ZNF75A: variants seen among roughly 807,000 people sequenced by gnomAD.
ZNF75A encodes the protein zinc finger protein 75A.
In ZNF75A, 36 loss-of-function variants were observed where a neutral mutation model predicts 46.3. The ratio of observed to expected loss-of-function variants is 0.78; its 90% confidence interval spans 0.60 to 1.03. The LOEUF is 1.03. Ranked by LOEUF, ZNF75A falls within the 50% of genes least tolerant of loss-of-function variation. The probability of loss-of-function intolerance (pLI) is 0.00; values close to 1 mark genes in which losing one functional copy is unlikely to be tolerated. For missense variants in ZNF75A, 595 were observed against 551.3 expected, an observed-to-expected ratio of 1.08 and a Z score of -0.79; for synonymous variants, 234 against 189.9, an observed-to-expected ratio of 1.23 and a Z score of -1.91.
Position 3,305,614 on chromosome 16 carries a change from G to T in ZNF75A, c.-146G>T, listed in dbSNP as rs1029975318. ...GCGTTTGAGCCTCAGAAAGCGAGGA[G>T]CGGCCTCCACGGAAGCCAAGCTGGC... On this transcript the variant is annotated 5_prime_UTR_variant, in exon 1 of 7. Transcript: ENST00000669516. The T allele has an allele frequency of 7.2e-5, 11 of 152,280 alleles. No individual in the cohort carries two copies. Among genetic ancestry groups the T allele is most frequent in the Non-Finnish European group, 1.6e-4 (11 of 68,070 alleles). 9.4% of individuals were successfully genotyped at this position (152,280 alleles called of 1,614,324 possible).
intron 1 of ZNF75A, chr16:3,306,895 T>C (rs1437116903): frequency 6.6e-6 from 1 of 151,650 alleles, no homozygotes; most frequent in Non-Finnish European, 1.5e-5. Flanking sequence ...TCAACTGCCA[T>C]CCAAAAAATA....
Position 3,308,494 on chromosome 16 carries a change from C to T in ZNF75A, c.66C>T (p.Thr22=), listed in dbSNP as rs181206061. The T allele has an allele frequency of 1.7e-4, 172 of 985,806 alleles. 1 individual carries two copies. In the African/African-American group the frequency reaches 2.8e-3, roughly 16 times the overall value. 61.1% of individuals were successfully genotyped at this position (985,806 alleles called of 1,614,324 possible). Reference sequence around the variant, plus strand: ...CTCAGATCAGGGCTTTGTGGGAGACCAAGGGGCCTGCAAGAGAGAGCTCCG... The same window carrying T: ...CTCAGATCAGGGCTTTGTGGGAGACTAAGGGGCCTGCAAGAGAGAGCTCCG... The part of the protein sequence containing the change: ...LDPQIRALWE[T]KGPARESSGQ... Residue 22 remains threonine (T), a synonymous_variant, in exon 2 of 7, where the codon ACC becomes ACT. Coordinates refer to ENST00000669516, the MANE Select transcript of ZNF75A (RefSeq NM_001302109.2).
rs1960831858 is a variant in ZNF75A, at chr16:3,311,903, C to T, written c.559C>T (p.Leu187Phe). The T allele has an allele frequency of 1.0e-6, 1 of 992,124 alleles. No individual in the cohort carries two copies. Among genetic ancestry groups the T allele is most frequent in the Non-Finnish European group, 1.2e-6 (1 of 832,838 alleles). 61.5% of individuals were successfully genotyped at this position (992,124 alleles called of 1,614,324 possible). A position where few individuals can be genotyped will look rare whatever the true frequency, so the allele number is the denominator to read the frequency against. The change falls in exon 3 of 7, where the codon CTC becomes TTC. Residue 187 changes from leucine to phenylalanine, a missense_variant. Coordinates refer to ENST00000669516, the MANE Select transcript of ZNF75A (RefSeq NM_001302109.2). Reference protein sequence around the residue: ...WNTYEGLQEQLSRNTHKETEP... With the variant: ...WNTYEGLQEQFSRNTHKETEP... Reference sequence around the variant, plus strand: ...TACATACGAGGGTCTGCAAGAACAGCTCAGCAGGAATACTCATAAAGAGAC... The same window carrying T: ...TACATACGAGGGTCTGCAAGAACAGTTCAGCAGGAATACTCATAAAGAGAC...
At chr16:3,312,642 A>G in intron 3 of ZNF75A, 35 bp from the exon 4 acceptor site, 1 of 935,590 alleles carries the variant, frequency 1.1e-6, no homozygotes, top group Non-Finnish European at 1.3e-6. Flanking sequence ...GTTTATAGAT[A>G]AAAGAGATTT....
chr16:3,310,619 C>T, intron 2 of ZNF75A: 3 of 943,236 alleles, frequency 3.2e-6, no homozygotes, highest in South Asian at 4.9e-5. Flanking sequence ...GAGTGAGACC[C>T]CCGTCTCAAA....
At position 3,317,539 on chromosome 16, in the gene ZNF75A, A is replaced by G; in HGVS notation, c.1284A>G (p.Lys428=). ...ACCAAAGAATTCACACTGAAGAGAAACCCTATAAATGTCAACAGTGTGATA... is the reference window on the plus strand; with the variant it reads ...ACCAAAGAATTCACACTGAAGAGAAGCCCTATAAATGTCAACAGTGTGATA... ...IKHQRIHTEE[K]PYKCQQCDKR... The change falls in exon 7 of 7, where the codon AAA becomes AAG. Residue 428 remains lysine, a synonymous_variant. Transcript: ENST00000669516. 6.2e-7 allele frequency: 1 copy of G among 1,614,074 alleles called. No individual in the cohort carries two copies. Among genetic ancestry groups the G allele is most frequent in the Non-Finnish European group, 8.5e-7 (1 of 1,180,000 alleles).
chr16:3,306,573 A>G (rs147922947), intron 1 of ZNF75A: 5,109 of 152,144 alleles, frequency 0.034, 305 homozygotes, highest in African/African-American at 0.12. Flanking sequence ...TTAGCCGGGC[A>G]TGGTGGCACG....
Position 3,317,752 on chromosome 16 carries a change from C to T in ZNF75A, c.1497C>T (p.Ser499=). The change falls in exon 7 of 7, where the codon TCC becomes TCT. Residue 499 remains serine, a synonymous_variant. Transcript: ENST00000669516. ...GTGGAAAAAAATTCAGTCAGAACTC[C>T]CACCTTATTAAACACCGGAGAACCC... is the stretch of plus-strand genomic sequence containing the variant. The part of the protein sequence containing the change: ...HECGKKFSQN[S]HLIKHRRTHT... 1 of 1,614,106 alleles carries T rather than the reference C, an allele frequency of 6.2e-7. No homozygotes were observed. The highest frequency in any genetic ancestry group is 1.1e-5 in the South Asian group (1 of 91,080).
In ZNF75A at chr16:3,313,308, A is replaced by G. The variant is rs543882696; in HGVS notation, c.823+133A>G. 255 of 862,524 alleles carry G rather than the reference A, an allele frequency of 3.0e-4. 2 individuals carry two copies. In the South Asian group the frequency reaches 4.1e-3, roughly 14 times the overall value. The allele number at this position is 862,524 out of a possible 1,614,324, so 53.4% of individuals were successfully genotyped here. ...ATCTAGATGGTATAGGGGAGGGTGT[A>G]GGTAGTGTATCCAGATCACCTGTGG... On this transcript the variant is annotated intron_variant, in intron 5 of 6. Transcript: ENST00000669516.
intron 2 of ZNF75A, among the ~76,000 whole-genome samples, chr16:3,310,221 CTG>C (rs1424318045): frequency 2.0e-5 from 3 of 152,072 alleles, no homozygotes; most frequent in Admixed American, 1.3e-4. Context: ...TGCTGAAACC[CTG>C]TCTCTACTAA....
At chr16:3,309,723 T>C (rs1231971692) in intron 2 of ZNF75A, among the ~76,000 whole-genome samples, 5 of 137,692 alleles carry the variant, frequency 3.6e-5, no homozygotes, top group African/African-American at 5.6e-5. Context: ...ACCATTGCAC[T>C]CCCTTGGGTG....
intron 5 of ZNF75A, chr16:3,314,918 C>A: frequency 1.0e-6 from 1 of 985,342 alleles, no homozygotes; most frequent in Non-Finnish European, 1.2e-6. Flanking sequence ...GCAATCTGTT[C>A]TCAGTTTACT....
In ZNF75A at chr16:3,308,744, A is replaced by G; in HGVS notation, c.316A>G (p.Thr106Ala). 1.0e-6 allele frequency: 1 copy of G among 989,122 alleles called. No homozygotes were observed. The highest frequency in any genetic ancestry group is 1.7e-5 in the African/African-American group (1 of 57,480). 61.3% of individuals were successfully genotyped at this position (989,122 alleles called of 1,614,324 possible). ...FLTILPRETQ[T>A]QMQKHHPQSI... ...GACTATTCTGCCCAGGGAGACACAG[A>G]CCCAGATGCAGAAGCACCATCCACA... The change falls in exon 2 of 7, where the codon ACC (threonine) becomes GCC (alanine). Residue 106 changes from threonine to alanine, a missense_variant. Physicochemically the swap from Thr to Ala is moderately conservative, Grantham distance 58 (BLOSUM62 0). Coordinates refer to ENST00000669516, the MANE Select transcript of ZNF75A (RefSeq NM_001302109.2).
chr16:3,314,225 C>A (rs1961027467), intron 5 of ZNF75A, among the ~76,000 whole-genome samples: 1 of 152,162 alleles, frequency 6.6e-6, no homozygotes, highest in South Asian at 2.1e-4. Flanking sequence ...CAGAAAGAAT[C>A]AGGATTTTCT....
At chr16:3,308,048 A>C (rs996517677) in intron 1 of ZNF75A, 3 of 152,230 alleles carry the variant, frequency 2.0e-5, no homozygotes, top group Admixed American at 1.3e-4. Context: ...AATACCTTTC[A>C]GCCAGTGGGT....
At chr16:3,312,379 G>C (rs1218726438) in intron 3 of ZNF75A, 1 of 152,190 alleles carries the variant, frequency 6.6e-6, no homozygotes, top group African/African-American at 2.4e-5. Context: ...TGGAGTCCCT[G>C]AGTACTTCAT....
chr16:3,306,272 C>A (rs760825332), intron 1 of ZNF75A: 3 of 152,034 alleles, frequency 2.0e-5, no homozygotes, highest in Non-Finnish European at 4.4e-5. Flanking sequence ...TCGTCACCAA[C>A]TCCTGTTGGA....
chr16:3,311,966 A>G lies in ZNF75A; in HGVS notation c.604+18A>G, dbSNP rs566061099. On this transcript the variant is annotated intron_variant, in intron 3 of 6. Transcript: ENST00000669516. ...TGAGAGGGGTAAGGAGCTTCATGAT[A>G]ATTTTCTTCTCCTGGGAGCTGTGAT... The G allele has an allele frequency of 1.1e-5, 11 of 982,920 alleles. No homozygotes were observed. The highest frequency in any genetic ancestry group is 6.1e-5 in the Admixed American group (1 of 16,278). The allele number at this position is 982,920 out of a possible 1,614,324, so 60.9% of individuals were successfully genotyped here. A position where few individuals can be genotyped will look rare whatever the true frequency, so the allele number is the denominator to read the frequency against.
At chr16:3,314,735 CTCT>C (rs1262067459) in intron 5 of ZNF75A, 10 of 985,440 alleles carry the variant, frequency 1.0e-5, no homozygotes, top group Non-Finnish European at 1.2e-5. Context: ...GAAGTCCATT[CTCT>C]TCTTTAGAGC....
Sources: gnomAD v4.1 joint callset for allele counts (sites outside exome capture counted in the v4.1 genomes callset) on GRCh38, gnomAD v4.1.1 for gene constraint, MANE v1.5 for transcripts, NCBI Gene and HGNC (gene_info 2026-07-23, HGNC 2026-07-21) for gene names.